SPDL1: variants seen among roughly 807,000 people sequenced by gnomAD.
SPDL1 encodes the protein protein Spindly.
A neutral mutation model predicts 79.5 loss-of-function variants in SPDL1; 85 were observed. That is an observed-to-expected ratio of 1.07 (90% CI 0.90 to 1.28). SPDL1 has a LOEUF of 1.28. Among genes scored for constraint, SPDL1 ranks in the 50% most tolerant of loss-of-function variants. The pLI, the probability that SPDL1 is intolerant of heterozygous loss-of-function variation, is 0.00. For missense variants in SPDL1, 703 were observed against 697.8 expected, an observed-to-expected ratio of 1.01 and a Z score of -0.08; for synonymous variants, 269 against 240.3, an observed-to-expected ratio of 1.12 and a Z score of -1.10.
chr5:169,601,243 T>C, intron 10 of SPDL1, 37 bp from the exon 11 acceptor site: 1 of 1,554,918 alleles, frequency 6.4e-7, no homozygotes, highest in African/African-American at 1.4e-5. Flanking sequence ...TTTGTTTTCT[T>C]AGATTTTTTC....
chr5:169,598,284 C>T (rs1310137414), intron 8 of SPDL1, among the ~76,000 whole-genome samples, 192 bp from the exon 9 acceptor site: 1 of 152,148 alleles, frequency 6.6e-6, no homozygotes, highest in African/African-American at 2.4e-5. Context: ...TATTCGGAGC[C>T]TGTTTCCTTA....
rs760674621 is a variant in SPDL1, at chr5:169,604,254, CTATGGTGCT to C, written c.*50_*58del. On this transcript the variant is annotated 3_prime_UTR_variant, in exon 12 of 12. Coordinates refer to ENST00000265295, the MANE Select transcript of SPDL1 (RefSeq NM_017785.5). ...ACGGTGCCACTTGCCTCAAAAGTTA[CTATGGTGCT>C]TAAGATTGTCTTGATCTGACATATA... The C allele has an allele frequency of 6.8e-7, 1 of 1,474,620 alleles. No individual in the cohort carries two copies. Among genetic ancestry groups the C allele is most frequent in the Non-Finnish European group, 9.0e-7 (1 of 1,105,016 alleles). The allele number at this position is 1,474,620 out of a possible 1,614,324, so 91.3% of individuals were successfully genotyped here. A position where few individuals can be genotyped will look rare whatever the true frequency, so the allele number is the denominator to read the frequency against.
chr5:169,601,313 G>T lies in SPDL1; in HGVS notation c.1358G>T (p.Arg453Leu). The change falls in exon 11 of 12, where the codon CGT becomes CTT. Residue 453 changes from arginine (R) to leucine (L), a missense_variant. Coordinates refer to ENST00000265295, the MANE Select transcript of SPDL1 (RefSeq NM_017785.5). The part of the protein sequence containing the change: ...TVEVPVLKKR[R>L]EVLPVDITTA... ...GAAGTGCCTGTACTGAAAAAGAGGC[G>T]TGAGGTGCTCCCTGTGGATATAACC... 4.3e-6 allele frequency: 7 copies of T among 1,613,220 alleles called. No homozygotes were observed. Among genetic ancestry groups the T allele is most frequent in the Non-Finnish European group, 5.9e-6 (7 of 1,179,784 alleles).
Position 169,593,371 on chromosome 5 carries a change from G to A in SPDL1, c.354G>A (p.Val118=). 1.3e-6 allele frequency: 2 copies of A among 1,585,060 alleles called. No homozygotes were observed. The highest frequency in any genetic ancestry group is 1.7e-6 in the Non-Finnish European group (2 of 1,172,078). The part of the protein sequence containing the change: ...ELKTKIEKLK[V]ELDEARLSEK... ...GGCTTTAGATAGAAAAACTGAAAGT[G>A]GAATTAGATGAAGCCAGGCTTAGTG... is the stretch of plus-strand genomic sequence containing the variant. The change falls in exon 4 of 12, where the codon GTG becomes GTA. Residue 118 remains valine (V), a synonymous_variant. Transcript: ENST00000265295.
chr5:169,597,389 A>G (rs2113372464), intron 8 of SPDL1, among the ~76,000 whole-genome samples: 1 of 151,884 alleles, frequency 6.6e-6, no homozygotes, highest in African/African-American at 2.4e-5. Context: ...TTCCATATAT[A>G]CTTGAGTCTG....
chr5:169,601,472 C>A lies in SPDL1; in HGVS notation c.1517C>A (p.Ser506Tyr). 1.2e-6 allele frequency: 2 copies of A among 1,614,084 alleles called. No individual in the cohort carries two copies. The highest frequency in any genetic ancestry group is 1.7e-6 in the Non-Finnish European group (2 of 1,179,984). Residue 506 changes from serine (S) to tyrosine (Y), a missense_variant, in exon 11 of 12, where the codon TCT becomes TAT. Physicochemically the swap from Ser to Tyr is moderately radical, Grantham distance 144 (BLOSUM62 -2). Transcript: ENST00000265295. ...AACTTGCAATTAGAAAAATCAGTTTCTATATACACACCAGTAGTCAGTCTC... is the reference window on the plus strand; with the variant it reads ...AACTTGCAATTAGAAAAATCAGTTTATATATACACACCAGTAGTCAGTCTC... ...DNNLQLEKSV[S>Y]IYTPVVSLSP...
In SPDL1 at chr5:169,594,484, T is replaced by A. The variant is rs772869238; in HGVS notation, c.772T>A (p.Phe258Ile). The A allele has an allele frequency of 1.2e-6, 2 of 1,613,992 alleles. No individual in the cohort carries two copies. Among genetic ancestry groups the A allele is most frequent in the Non-Finnish European group, 8.5e-7 (1 of 1,179,854 alleles). The change falls in exon 6 of 12, where the codon TTT becomes ATT. Residue 258 changes from phenylalanine (F) to isoleucine (I), a missense_variant. Transcript: ENST00000265295. ...LDPNSKGNSL[F>I]AEVEDRRAAM... ...TCCCAATAGTAAAGGCAACTCTTTG[T>A]TTGCAGAGGTACTTATAAGTATCCT...
rs142090225 is a variant in SPDL1 at position 169,588,537 on chromosome 5, T to C, written c.121T>C (p.Leu41=). ...VESQNELQNQ[L]DKCRNEMMTM... is the part of the protein sequence containing the mutation. ...GAGTCAAAATGAATTACAGAATCAA[T>C]TGGATAAATGTCGTAATGAAATGAT... Residue 41 remains leucine, a synonymous_variant, in exon 2 of 12, where the codon TTG becomes CTG. Coordinates refer to ENST00000265295, the MANE Select transcript of SPDL1 (RefSeq NM_017785.5). 15 of 1,613,372 alleles carry C rather than the reference T, an allele frequency of 9.3e-6. No homozygotes were observed. Among genetic ancestry groups the C allele is most frequent in the African/African-American group, 4.0e-5 (3 of 74,892 alleles).
intron 8 of SPDL1, among the ~76,000 whole-genome samples, chr5:169,597,748 G>A (rs1755663917): frequency 1.3e-5 from 2 of 152,104 alleles, no homozygotes; most frequent in African/African-American, 4.8e-5. Flanking sequence ...ATTCTAAATT[G>A]TAGCCATTAG....
rs1488324396 is a variant in SPDL1 at position 169,604,387 on chromosome 5, T to G, written c.*180T>G. The G allele has an allele frequency of 4.6e-6, 2 of 433,780 alleles. No homozygotes were observed. The highest frequency in any genetic ancestry group is 8.0e-6 in the Non-Finnish European group (2 of 251,546). 26.9% of individuals were successfully genotyped at this position (433,780 alleles called of 1,614,324 possible). On this transcript the variant is annotated 3_prime_UTR_variant, in exon 12 of 12. Coordinates refer to ENST00000265295, the MANE Select transcript of SPDL1 (RefSeq NM_017785.5). Reference sequence around the variant, plus strand: ...TTGCTTGACTCTAACCTGGAGAGCTTCTTAAGTGATGCCCCTTCATGGAGC... The same window carrying G: ...TTGCTTGACTCTAACCTGGAGAGCTGCTTAAGTGATGCCCCTTCATGGAGC...
At chr5:169,596,254 G>A (rs907175392) in intron 7 of SPDL1, 26 of 220,158 alleles carry the variant, frequency 1.2e-4, no homozygotes, top group Middle Eastern at 1.5e-3. Flanking sequence ...AGTCTGCAGC[G>A]TTTGGCCAGG....
In SPDL1 at chr5:169,594,397, G is replaced by C. The variant is rs769380153; in HGVS notation, c.685G>C (p.Ala229Pro). The change falls in exon 6 of 12, where the codon GCT becomes CCT. Residue 229 changes from alanine (A) to proline (P), a missense_variant. By Grantham distance (27) the Ala-to-Pro change is conservative (BLOSUM62 -1). Coordinates refer to ENST00000265295, the MANE Select transcript of SPDL1 (RefSeq NM_017785.5). ...AVSYYNALEKARVANQDLQVQ... is the reference protein window; with the variant it reads ...AVSYYNALEKPRVANQDLQVQ... ...AATTGTTTTCTTTTGAATTTAGAAA[G>C]CTCGTGTAGCAAATCAAGATCTTCA... is the stretch of plus-strand genomic sequence containing the variant. The C allele has an allele frequency of 1.9e-6, 3 of 1,613,976 alleles. No homozygotes were observed. The highest frequency in any genetic ancestry group is 2.5e-6 in the Non-Finnish European group (3 of 1,179,894).
Position 169,601,483 on chromosome 5 carries a change from C to A in SPDL1, c.1528C>A (p.Pro510Thr). 1.2e-6 allele frequency: 2 copies of A among 1,614,162 alleles called. No individual in the cohort carries two copies. The highest frequency in any genetic ancestry group is 1.7e-6 in the Non-Finnish European group (2 of 1,180,012). The change falls in exon 11 of 12, where the codon CCA becomes ACA. Residue 510 changes from proline (P) to threonine (T), a missense_variant. By Grantham distance (38) the Pro-to-Thr change is conservative. Transcript: ENST00000265295. ...AGAAAAATCAGTTTCTATATACACA[C>A]CAGTAGTCAGTCTCTCTCCTCACAA... is the stretch of plus-strand genomic sequence containing the variant. The part of the protein sequence containing the change: ...QLEKSVSIYT[P>T]VVSLSPHKNL...
intron 11 of SPDL1, among the ~76,000 whole-genome samples, chr5:169,603,105 TTGTG>T (rs5873185): frequency 1.5e-4 from 23 of 150,788 alleles, no homozygotes; most frequent in African/African-American, 4.6e-4. Context: ...CACAAAACAT[TTGTG>T]TGTGTGTGTG....
At chr5:169,593,623 ATTC>A (rs1755419287) in intron 4 of SPDL1, 75 bp downstream of exon 4, 1 of 1,403,804 alleles carries the variant, frequency 7.1e-7, no homozygotes, top group Middle Eastern at 1.9e-4. Context: ...TTTGGTAATA[ATTC>A]TTAAGAGCTA....
chr5:169,585,878 ACTTTG>A (rs1296031995), intron 1 of SPDL1: 1 of 152,202 alleles, frequency 6.6e-6, no homozygotes, highest in East Asian at 1.9e-4. Flanking sequence ...AAACTCATAT[ACTTTG>A]CTTAAATGAA....
chr5:169,588,399 T>C lies in SPDL1; in HGVS notation c.-18T>C. ...TTTATTTCCTCTATTTACAGTTGGCTAAAAAAAAGAAAAGAACATGGAGGC... is the reference window on the plus strand; with the variant it reads ...TTTATTTCCTCTATTTACAGTTGGCCAAAAAAAAGAAAAGAACATGGAGGC... On this transcript the variant is annotated 5_prime_UTR_variant, in exon 2 of 12. Coordinates refer to ENST00000265295, the MANE Select transcript of SPDL1 (RefSeq NM_017785.5). The C allele has an allele frequency of 6.3e-6, 10 of 1,585,666 alleles. No individual in the cohort carries two copies. Among genetic ancestry groups the C allele is most frequent in the Non-Finnish European group, 8.5e-6 (10 of 1,169,834 alleles).
At chr5:169,588,270 A>G (rs1052301989) in intron 1 of SPDL1, 124 bp from the exon 2 acceptor site, 1 of 616,470 alleles carries the variant, frequency 1.6e-6, no homozygotes, top group Non-Finnish European at 2.6e-6. Flanking sequence ...CTTATTAGTC[A>G]GGAAGAAAAT....
intron 6 of SPDL1, 25 bp downstream of exon 6, chr5:169,594,517 A>C (rs760857237): frequency 6.2e-7 from 1 of 1,611,838 alleles, no homozygotes; most frequent in Admixed American, 1.7e-5. Context: ...CCTAACTACT[A>C]AATTGGTATT....
Sources: gnomAD v4.1 joint callset for allele counts (sites outside exome capture counted in the v4.1 genomes callset) on GRCh38, gnomAD v4.1.1 for gene constraint, MANE v1.5 for transcripts, NCBI Gene and HGNC (gene_info 2026-07-23, HGNC 2026-07-21) for gene names.